Variants in VSX1 observed in about 807,000 individuals in gnomAD.
The protein encoded by VSX1 is homeodomain protein RINX.
Under a neutral mutation model 23.6 loss-of-function variants are expected in VSX1, and 23 were observed. That is an observed-to-expected ratio of 0.97 (90% confidence interval 0.70 to 1.38). The LOEUF (loss-of-function observed/expected upper bound fraction) is 1.38. VSX1 is among the 40% of genes most tolerant of loss of function. VSX1 has a pLI of 0.00. For missense variants in VSX1, 517 were observed against 495.4 expected (o/e 1.04, Z -0.41); for synonymous variants, 247 against 215.1 (o/e 1.15, Z -1.30).
chr20:25,079,549 G>A lies in VSX1; in HGVS notation c.425-35C>T, dbSNP rs557106864. ...CAGAAAGAAGAAGAGGACTTTAAGG[G>A]TGATCATATCCCCTCTATTTCCTGG... On this transcript the variant is annotated intron_variant, in intron 1 of 4. Transcript: ENST00000376709. 8 of 1,583,606 alleles carry A rather than the reference G, an allele frequency of 5.1e-6. No homozygotes were observed. In the African/African-American group the frequency reaches 5.4e-5, roughly 11 times the overall value.
intron 4 of VSX1, among the ~76,000 whole-genome samples, chr20:25,077,099 T>G (rs1439026946): frequency 6.6e-6 from 1 of 152,208 alleles, no homozygotes; most frequent in African/African-American, 2.4e-5. Flanking sequence ...ATTCCCACAA[T>G]CTGTGATCCC....
chr20:25,071,099 G>C, downstream of VSX1: 2 of 454,086 alleles, frequency 4.4e-6, no homozygotes, highest in Non-Finnish European at 8.8e-6. Context: ...GGTCAAAGAG[G>C]AGACGACCAC....
chr20:25,078,984 C>T (rs1474781866), intron 2 of VSX1, 32 bp from the exon 3 acceptor site: 1 of 1,612,552 alleles, frequency 6.2e-7, no homozygotes, highest in Non-Finnish European at 8.5e-7. Context: ...CAGGTGGGCA[C>T]ATGTCCCCTG....
chr20:25,075,944 T>C lies in VSX1; in HGVS notation c.*317A>G. The C allele has an allele frequency of 2.3e-6, 1 of 426,016 alleles. No homozygotes were observed. The highest frequency in any genetic ancestry group is 4.4e-6 in the Non-Finnish European group (1 of 229,354). 26.4% of individuals were successfully genotyped at this position (426,016 alleles called of 1,614,324 possible). On this transcript the variant is annotated 3_prime_UTR_variant, in exon 5 of 5. Transcript: ENST00000376709. Reference sequence around the variant, plus strand: ...TCTATACAGTACATTGAACCACACATCTCAAATGATGCCCAGCAGTGAAAT... The same window carrying C: ...TCTATACAGTACATTGAACCACACACCTCAAATGATGCCCAGCAGTGAAAT...
downstream of VSX1, chr20:25,071,034 G>A (rs2089366361): frequency 2.2e-6 from 1 of 454,002 alleles, no homozygotes; most frequent in African/African-American, 2.0e-5. Context: ...CAGGAAGGAT[G>A]GGTAATGGAC....
At chr20:25,071,822 C>T (rs1022154720), downstream of VSX1, 2 of 711,902 alleles carry the variant, frequency 2.8e-6, no homozygotes, top group Non-Finnish European at 5.2e-6. Context: ...TAGCAGTGAT[C>T]ATCAAGGATG....
At chr20:25,077,613 G>A in intron 4 of VSX1, 72 bp downstream of exon 4, 1 of 1,521,554 alleles carries the variant, frequency 6.6e-7, no homozygotes, top group Non-Finnish European at 8.8e-7. Context: ...GGCTGCCTCG[G>A]TGGGGACACC....
intron 1 of VSX1, 100 bp downstream of exon 1, chr20:25,081,573 C>A: frequency 6.5e-7 from 1 of 1,536,648 alleles, no homozygotes; most frequent in South Asian, 1.1e-5. Flanking sequence ...TAGATCTGGG[C>A]CGCTGGGGCC....
intron 1 of VSX1, among the ~76,000 whole-genome samples, chr20:25,080,885 T>A (rs900241328): frequency 2.6e-5 from 4 of 152,246 alleles, no homozygotes; most frequent in African/African-American, 9.6e-5. Context: ...GCCTGGATGC[T>A]CAGCTCTAGA....
downstream of VSX1, among the ~76,000 whole-genome samples, chr20:25,073,561 G>A (rs2089426009): frequency 1.3e-5 from 2 of 152,182 alleles, no homozygotes; most frequent in African/African-American, 4.8e-5. Flanking sequence ...AGCCCCAGAG[G>A]TGAATTTTGA....
At position 25,077,727 on chromosome 20, in the gene VSX1, C is replaced by A. The variant is rs74315435; in HGVS notation, c.766G>T (p.Ala256Ser). 163 of 1,550,320 alleles carry A rather than the reference C, an allele frequency of 1.1e-4. 1 individual carries two copies. The African/African-American group carries it at 2.0e-3, about 19-fold the overall frequency. The change falls in exon 4 of 5, where the codon GCC (alanine) becomes TCC (serine). Residue 256 changes from alanine (A) to serine (S), a missense_variant. Transcript: ENST00000376709. The stretch of plus-strand genomic sequence containing the variant: ...CAGGAGCCCAGCAGGCCGCCCTCGG[C>A]GGAGTTGAGCACGGAGTCTGGCAGC... ...IPLPDSVLNS[A>S]EGGLLGSCAP...
chr20:25,081,517 C>A, intron 1 of VSX1, 156 bp downstream of exon 1: 3 of 1,157,724 alleles, frequency 2.6e-6, no homozygotes, highest in Non-Finnish European at 3.9e-6. Context: ...GGCGCAGCTC[C>A]GCGAATGCCC....
rs780503518 is a variant in VSX1, at chr20:25,082,073, G to A, written c.24C>T (p.Ser8=). 5.8e-6 allele frequency: 9 copies of A among 1,538,748 alleles called. No homozygotes were observed. The South Asian group carries it at 9.5e-5, about 16-fold the overall frequency. Residue 8 remains serine (S), a synonymous_variant, in exon 1 of 5, where the codon TCC becomes TCT. Coordinates refer to ENST00000376709, the MANE Select transcript of VSX1 (RefSeq NM_014588.6). MTGRDSL[S]DGRTSSRALV... is the part of the protein sequence containing the mutation. The stretch of plus-strand genomic sequence containing the variant: ...GCGCCCTGCTGCTAGTGCGCCCGTC[G>A]GAAAGCGAGTCCCGGCCGGTCATGG...
At position 25,075,907 on chromosome 20, in the gene VSX1, C is replaced by A; in HGVS notation, c.*354G>T. ...CTAATTGAGAATGAGGACATCAGAC[C>A]TAACCTATTCATCTATACAGTACAT... On this transcript the variant is annotated 3_prime_UTR_variant, in exon 5 of 5. Coordinates refer to ENST00000376709, the MANE Select transcript of VSX1 (RefSeq NM_014588.6). 1 of 299,980 alleles carries A rather than the reference C, an allele frequency of 3.3e-6. No individual in the cohort carries two copies. The highest frequency in any genetic ancestry group is 6.3e-6 in the Non-Finnish European group (1 of 158,078). The allele number at this position is 299,980 out of a possible 1,614,324, so 18.6% of individuals were successfully genotyped here.
At chr20:25,079,346 G>T in intron 2 of VSX1, 90 bp downstream of exon 2, 4 of 1,338,354 alleles carry the variant, frequency 3.0e-6, no homozygotes, top group Non-Finnish European at 4.1e-6. Flanking sequence ...CTGCTATCAT[G>T]CCGGGCCATA....
intron 1 of VSX1, among the ~76,000 whole-genome samples, chr20:25,080,141 C>T (rs1189931199): frequency 6.6e-6 from 1 of 152,190 alleles, no homozygotes; most frequent in Non-Finnish European, 1.5e-5. Flanking sequence ...CTCCACTGTG[C>T]TTTACCTTTT....
chr20:25,081,678 G>A lies in VSX1; in HGVS notation c.419C>T (p.Thr140Met), dbSNP rs1600389791. The change falls in exon 1 of 5, where the codon ACG (threonine) becomes ATG (methionine). Residue 140 changes from threonine (T) to methionine (M), a missense_variant. Physicochemically the swap from Thr to Met is moderately conservative, Grantham distance 81. Transcript: ENST00000376709. The stretch of plus-strand genomic sequence containing the variant: ...GAAAGCGCGGGCCTGATTACCGGAC[G>A]TGGAGACGCTGTCGCTGCGCTTCTG... Reference protein sequence around the residue: ...GRQKRSDSVSTSDEDSQSEDR... With the variant: ...GRQKRSDSVSMSDEDSQSEDR... The A allele has an allele frequency of 4.0e-6, 6 of 1,518,136 alleles. No homozygotes were observed. Among genetic ancestry groups the A allele is most frequent in the Non-Finnish European group, 5.3e-6 (6 of 1,139,844 alleles). 94.0% of individuals were successfully genotyped at this position (1,518,136 alleles called of 1,614,324 possible). A position where few individuals can be genotyped will look rare whatever the true frequency, so the allele number is the denominator to read the frequency against.
chr20:25,076,654 C>T, intron 4 of VSX1, 104 bp from the exon 5 acceptor site: 3 of 1,343,012 alleles, frequency 2.2e-6, no homozygotes, highest in Non-Finnish European at 3.0e-6. Context: ...CTAGAATTGT[C>T]CTTGTCAGTG....
chr20:25,071,794 T>C (rs1214918896), downstream of VSX1: 1 of 705,570 alleles, frequency 1.4e-6, no homozygotes, highest in East Asian at 2.7e-5. Flanking sequence ...TGGGGTGCCC[T>C]GCAGGGGGCA....
Sources: gnomAD v4.1 joint callset for allele counts (sites outside exome capture counted in the v4.1 genomes callset) on GRCh38, gnomAD v4.1.1 for gene constraint, MANE v1.5 for transcripts, NCBI Gene and HGNC (gene_info 2026-07-23, HGNC 2026-07-21) for gene names.